The following ADK variants were observed in gnomAD, a reference collection of about 807,000 sequenced individuals.
ADK encodes the protein N6,N6-dimethyladenosine kinase.
In ADK, 24 loss-of-function variants were observed where a neutral mutation model predicts 44.7. The observed-to-expected ratio is 0.54, with a 90% CI of 0.39 to 0.76. The LOEUF is 0.76. ADK is among the 30% of genes least tolerant of loss of function. ADK has a pLI of 0.00. For missense variants in ADK, 321 were observed against 425.1 expected, an observed-to-expected ratio of 0.76 and a Z score of 2.15; for synonymous variants, 128 against 142.6, an observed-to-expected ratio of 0.90 and a Z score of 0.73.
chr10:74,531,659 G>C (rs1042314503), intron 7 of ADK, among the ~76,000 whole-genome samples: 1 of 151,922 alleles, frequency 6.6e-6, no homozygotes, highest in African/African-American at 2.4e-5. Context: ...TCAACCTCCC[G>C]AGAAGCTAGG....
intron 6 of ADK, among the ~76,000 whole-genome samples, chr10:74,442,024 G>A (rs10762614): frequency 0.61 from 91,982 of 151,658 alleles, 30,260 homozygotes; most frequent in Middle Eastern, 0.78. Flanking sequence ...GTGGTGGTGC[G>A]TACCTATAGT....
chr10:74,428,500 T>C (rs1480385042), intron 6 of ADK, among the ~76,000 whole-genome samples: 1 of 152,140 alleles, frequency 6.6e-6, no homozygotes, highest in African/African-American at 2.4e-5. Flanking sequence ...TTATAAGCTG[T>C]TGGAAATAAA....
chr10:74,391,682 C>T (rs1293180503), intron 4 of ADK, among the ~76,000 whole-genome samples: 1 of 151,496 alleles, frequency 6.6e-6, no homozygotes, highest in Non-Finnish European at 1.5e-5. Context: ...CACACACACA[C>T]ACACACACAC....
chr10:74,187,521 T>TTC (rs149684142), intron 1 of ADK, among the ~76,000 whole-genome samples: 31 of 151,078 alleles, frequency 2.1e-4, no homozygotes, highest in South Asian at 1.3e-3. Context: ...CACACACTCT[T>TTC]TCTCTCTCTC....
At chr10:74,430,333 A>G (rs187947201) in intron 6 of ADK, among the ~76,000 whole-genome samples, 29 of 152,314 alleles carry the variant, frequency 1.9e-4, no homozygotes, top group African/African-American at 7.0e-4. Flanking sequence ...ATCTGTCACC[A>G]CAATGATCCT....
chr10:74,575,551 A>G (rs771404128), intron 7 of ADK, among the ~76,000 whole-genome samples: 3 of 152,282 alleles, frequency 2.0e-5, no homozygotes, highest in African/African-American at 7.2e-5. Flanking sequence ...CTTAGTACCT[A>G]CATGTGCGAG....
At chr10:74,167,663 C>CA (rs952291049) in intron 1 of ADK, among the ~76,000 whole-genome samples, 35 of 152,300 alleles carry the variant, frequency 2.3e-4, no homozygotes, top group African/African-American at 7.7e-4. Flanking sequence ...GCAGCCCTCT[C>CA]AAAGGCTAGC....
chr10:74,646,060 T>A (rs570190450), intron 9 of ADK, among the ~76,000 whole-genome samples: 1 of 152,328 alleles, frequency 6.6e-6, no homozygotes, highest in East Asian at 1.9e-4. Flanking sequence ...TAGTATTTCC[T>A]AATGTTTGCA....
At chr10:74,475,858 G>A (rs1261847172) in intron 6 of ADK, among the ~76,000 whole-genome samples, 3 of 152,008 alleles carry the variant, frequency 2.0e-5, no homozygotes, top group African/African-American at 7.2e-5. Context: ...GTGGGAAGGT[G>A]TTTCAAAACC....
rs751244208 is a variant in ADK at position 74,200,784 on chromosome 10, TG to T, written c.89del (p.Gly30GlufsTer10). ...TTTAGAGAAAATATTCTCTTTGGAA[TG>T]GGAAATCCTCTGCTTGACATCTCTG... ...QALRENILFG[M>X]GNPLLDISAV... On this transcript the variant is annotated frameshift_variant, in exon 2 of 11. Transcript: ENST00000539909. LOFTEE classifies it high-confidence loss of function. 1 of 1,611,606 alleles carries T rather than the reference TG, an allele frequency of 6.2e-7. No homozygotes were observed. The highest frequency in any genetic ancestry group is 1.1e-5 in the South Asian group (1 of 91,048).
At chr10:74,161,127 G>C (rs559172925) in intron 1 of ADK, among the ~76,000 whole-genome samples, 1 of 152,282 alleles carries the variant, frequency 6.6e-6, no homozygotes, top group African/African-American at 2.4e-5. Context: ...GAAACTAGTT[G>C]AATAACTCTT....
At chr10:74,564,600 G>A (rs925564616) in intron 7 of ADK, among the ~76,000 whole-genome samples, 6 of 151,144 alleles carry the variant, frequency 4.0e-5, no homozygotes, top group Admixed American at 6.6e-5. Context: ...ATTTTTTAAC[G>A]TTTGTATACA....
intron 6 of ADK, among the ~76,000 whole-genome samples, chr10:74,435,667 G>A (rs1339919708): frequency 1.3e-5 from 2 of 151,956 alleles, no homozygotes; most frequent in African/African-American, 4.8e-5. Flanking sequence ...AGGACAAAAG[G>A]AAAATCTTAA....
chr10:74,628,346 T>G (rs1183106971), intron 9 of ADK, among the ~76,000 whole-genome samples: 2 of 152,060 alleles, frequency 1.3e-5, no homozygotes, highest in Non-Finnish European at 2.9e-5. Flanking sequence ...CCTCTTGTGC[T>G]GTTTTTGTAG....
At chr10:74,415,738 C>CGTA (rs1481991242) in intron 6 of ADK, among the ~76,000 whole-genome samples, 2 of 151,898 alleles carry the variant, frequency 1.3e-5, no homozygotes, top group African/African-American at 2.4e-5. Flanking sequence ...AATGTTATAC[C>CGTA]CATCAGTAGT....
chr10:74,244,304 C>G (rs1040086288), intron 3 of ADK, among the ~76,000 whole-genome samples: 1 of 151,868 alleles, frequency 6.6e-6, no homozygotes, highest in African/African-American at 2.4e-5. Context: ...GTTTTATCTG[C>G]GACAATAAGT....
At chr10:74,335,174 T>C (rs950112095) in intron 4 of ADK, among the ~76,000 whole-genome samples, 2 of 152,158 alleles carry the variant, frequency 1.3e-5, no homozygotes, top group Admixed American at 6.5e-5. Context: ...GAAAATGGAA[T>C]GGGGGGTAGC....
chr10:74,213,870 C>T (rs1411905873), intron 2 of ADK, among the ~76,000 whole-genome samples: 4 of 151,982 alleles, frequency 2.6e-5, no homozygotes, highest in Admixed American at 2.6e-4. Flanking sequence ...GCTGATGTGA[C>T]CCAAGAGCTA....
At chr10:74,561,561 T>C (rs747151477) in intron 7 of ADK, among the ~76,000 whole-genome samples, 3 of 152,232 alleles carry the variant, frequency 2.0e-5, no homozygotes, top group Non-Finnish European at 4.4e-5. Context: ...ATTTGTCTAA[T>C]GTATGTGTTC....
Sources: gnomAD v4.1 joint callset for allele counts (sites outside exome capture counted in the v4.1 genomes callset) on GRCh38, gnomAD v4.1.1 for gene constraint, MANE v1.5 for transcripts, NCBI Gene and HGNC (gene_info 2026-07-23, HGNC 2026-07-21) for gene names.